ZNF804B: variants seen among roughly 807,000 people sequenced by gnomAD.
The protein encoded by ZNF804B is zinc finger protein 804B.
In ZNF804B, 80 loss-of-function variants were observed where a neutral mutation model predicts 101.4. That is an observed-to-expected ratio of 0.79 (90% CI 0.66 to 0.95). The LOEUF (loss-of-function observed/expected upper bound fraction) is 0.95, where lower values mean the gene tolerates loss of function less well. Ranked by LOEUF, ZNF804B falls within the 40% of genes least tolerant of loss-of-function variation. The probability of loss-of-function intolerance (pLI) is 0.00; values close to 1 mark genes in which losing one functional copy is unlikely to be tolerated. For synonymous variants in ZNF804B, 622 were observed against 558.8 expected (o/e 1.11, Z -1.59); for missense variants, 1,673 against 1,561.9 (o/e 1.07, Z -1.20).
chr7:89,092,996 T>C (rs750936844), intron 1 of ZNF804B, among the ~76,000 whole-genome samples: 4 of 152,208 alleles, frequency 2.6e-5, no homozygotes, highest in Non-Finnish European at 4.4e-5. Flanking sequence ...ATCATACATA[T>C]ACATATATTC....
chr7:88,894,826 G>C (rs1396712037), intron 1 of ZNF804B, among the ~76,000 whole-genome samples: 1 of 152,114 alleles, frequency 6.6e-6, no homozygotes, highest in Admixed American at 6.5e-5. Context: ...GATAAAAATA[G>C]ATCAGAGGTT....
intron 2 of ZNF804B, among the ~76,000 whole-genome samples, chr7:89,269,532 A>G (rs1050097322): frequency 6.6e-6 from 1 of 152,168 alleles, no homozygotes; most frequent in African/African-American, 2.4e-5. Context: ...ATATATGTGC[A>G]TGTGTCTTTA....
At chr7:88,872,472 A>T (rs1791842969) in intron 1 of ZNF804B, among the ~76,000 whole-genome samples, 1 of 151,926 alleles carries the variant, frequency 6.6e-6, no homozygotes, top group African/African-American at 2.4e-5. Context: ...GTTTTATTTT[A>T]TTTATTATTA....
chr7:89,041,256 C>G (rs1789013700), intron 1 of ZNF804B, among the ~76,000 whole-genome samples: 1 of 152,126 alleles, frequency 6.6e-6, no homozygotes, highest in African/African-American at 2.4e-5. Context: ...CTGTGGGAGT[C>G]AGCCTGAAAC....
chr7:88,820,771 A>G (rs1384371621), intron 1 of ZNF804B, among the ~76,000 whole-genome samples: 1 of 152,078 alleles, frequency 6.6e-6, no homozygotes, highest in Non-Finnish European at 1.5e-5. Flanking sequence ...TTGGAAAGAA[A>G]GAGAATAAGT....
chr7:89,186,068 A>C (rs979233219), intron 1 of ZNF804B, among the ~76,000 whole-genome samples: 2 of 152,086 alleles, frequency 1.3e-5, no homozygotes, highest in African/African-American at 4.8e-5. Flanking sequence ...TGAAAAGTTA[A>C]CTCTTAGGAA....
chr7:89,167,258 A>C (rs1791157899), intron 1 of ZNF804B, among the ~76,000 whole-genome samples: 1 of 151,178 alleles, frequency 6.6e-6, no homozygotes, highest in South Asian at 2.1e-4. Context: ...CAACATGGTG[A>C]AACTCTGTCT....
chr7:88,979,556 G>T (rs188116196), intron 1 of ZNF804B, among the ~76,000 whole-genome samples: 2 of 151,120 alleles, frequency 1.3e-5, no homozygotes, highest in African/African-American at 4.9e-5. Flanking sequence ...ATGTATTGGA[G>T]CTCCTTTTTA....
chr7:89,060,516 G>A (rs909918308), intron 1 of ZNF804B, among the ~76,000 whole-genome samples: 2 of 152,040 alleles, frequency 1.3e-5, no homozygotes, highest in Admixed American at 6.6e-5. Context: ...AAAATTTGTC[G>A]ATCACAACCA....
rs970181834 is a variant in ZNF804B at position 88,806,179 on chromosome 7, A to T, written c.108+46095A>T. Among the ~76,000 whole-genome samples, 4 of 152,278 alleles carry T rather than the reference A, an allele frequency of 2.6e-5. No homozygotes were observed. The East Asian group carries it at 7.7e-4, about 29-fold the overall frequency. ...ACTCAGAAAAATCTAAACATTAATC[A>T]TACAAGGTGAATAAAAGCATAACTA... On this transcript the variant is annotated intron_variant, in intron 1 of 3. Transcript: ENST00000333190.
At chr7:89,039,480 T>G (rs1788981419) in intron 1 of ZNF804B, among the ~76,000 whole-genome samples, 1 of 152,058 alleles carries the variant, frequency 6.6e-6, no homozygotes, top group East Asian at 1.9e-4. Context: ...GAAATTGTTT[T>G]CATAATTTTT....
intron 1 of ZNF804B, among the ~76,000 whole-genome samples, chr7:88,915,691 A>T (rs1398580243): frequency 6.6e-6 from 1 of 151,940 alleles, no homozygotes; most frequent in East Asian, 1.9e-4. Flanking sequence ...GATCCTGAAA[A>T]CATATTCTAG....
intron 1 of ZNF804B, among the ~76,000 whole-genome samples, chr7:89,013,847 C>T (rs929122012): frequency 3.9e-5 from 6 of 152,160 alleles, no homozygotes; most frequent in Admixed American, 3.3e-4. Context: ...TTAGGTTCCA[C>T]ATATGAATGA....
intron 1 of ZNF804B, among the ~76,000 whole-genome samples, chr7:89,104,817 C>T (rs567759594): frequency 1.3e-5 from 2 of 152,078 alleles, no homozygotes; most frequent in South Asian, 4.2e-4. Context: ...GACTCTGAGG[C>T]CATAAATTTG....
At chr7:88,876,593 C>T (rs541262823) in intron 1 of ZNF804B, among the ~76,000 whole-genome samples, 7 of 152,202 alleles carry the variant, frequency 4.6e-5, no homozygotes, top group South Asian at 2.1e-4. Flanking sequence ...CTATTTTAAT[C>T]CACCCGCTCC....
intron 1 of ZNF804B, among the ~76,000 whole-genome samples, chr7:88,865,967 A>G (rs925824456): frequency 2.0e-5 from 3 of 152,202 alleles, no homozygotes; most frequent in Non-Finnish European, 2.9e-5. Flanking sequence ...ACATCCTTCC[A>G]AAAATATTGT....
chr7:89,046,653 G>T (rs1789112081), intron 1 of ZNF804B, among the ~76,000 whole-genome samples: 1 of 152,072 alleles, frequency 6.6e-6, no homozygotes, highest in Non-Finnish European at 1.5e-5. Flanking sequence ...GGATTTAGAA[G>T]ATATGTTTCT....
At chr7:89,260,121 A>G (rs1454366821) in intron 2 of ZNF804B, among the ~76,000 whole-genome samples, 2 of 152,188 alleles carry the variant, frequency 1.3e-5, no homozygotes, top group Non-Finnish European at 2.9e-5. Context: ...AGTGAAATTA[A>G]TCCAGAATTC....
chr7:89,182,273 C>T (rs546855549), intron 1 of ZNF804B, among the ~76,000 whole-genome samples: 8 of 152,194 alleles, frequency 5.3e-5, no homozygotes, highest in African/African-American at 1.9e-4. Context: ...GCACTTATTC[C>T]GAAGACTAAG....
Sources: allele counts gnomAD v4.1 joint callset (sites outside exome capture counted in the v4.1 genomes callset), GRCh38; gene constraint gnomAD v4.1.1; transcripts MANE v1.5; gene names NCBI Gene and HGNC (gene_info 2026-07-23, HGNC 2026-07-21).